Variants in ZNF100 observed in about 807,000 individuals in gnomAD.
ZNF100 encodes the protein zinc finger protein 100.
Under a neutral mutation model 15.8 loss-of-function variants are expected in ZNF100, and 12 were observed. The observed-to-expected ratio is 0.76, with a 90% CI of 0.49 to 1.23. ZNF100 has a LOEUF of 1.23. Among genes scored for constraint, ZNF100 ranks in the 50% most tolerant of loss-of-function variants. ZNF100 has a pLI of 0.00. For missense variants in ZNF100, 670 were observed against 635.6 expected (o/e 1.05, Z -0.58); for synonymous variants, 226 against 214.8 (o/e 1.05, Z -0.45).
chr19:21,748,286 A>C (rs748219218), intron 2 of ZNF100, among the ~76,000 whole-genome samples: 1 of 152,236 alleles, frequency 6.6e-6, no homozygotes, highest in African/African-American at 2.4e-5. Context: ...TGACCTTTAT[A>C]AATCAGTTCT....
intron 1 of ZNF100, among the ~76,000 whole-genome samples, chr19:21,766,754 G>A (rs758271796): frequency 1.3e-5 from 2 of 152,098 alleles, no homozygotes; most frequent in African/African-American, 2.4e-5. Flanking sequence ...AGCACTTTAG[G>A]AGGCCAAGGC....
chr19:21,751,682 C>A, intron 2 of ZNF100: 3 of 1,243,686 alleles, frequency 2.4e-6, no homozygotes, highest in Non-Finnish European at 3.5e-6. Flanking sequence ...GGAGCTTCTT[C>A]AGTTTAATAT....
At chr19:21,741,071 T>C (rs1215226882) in intron 4 of ZNF100, among the ~76,000 whole-genome samples, 1 of 152,176 alleles carries the variant, frequency 6.6e-6, no homozygotes, top group Non-Finnish European at 1.5e-5. Context: ...AAATGGAATA[T>C]TATACAGACT....
chr19:21,751,308 G>A, intron 2 of ZNF100: 1 of 929,698 alleles, frequency 1.1e-6, no homozygotes, highest in Non-Finnish European at 1.8e-6. Flanking sequence ...ATAAAGAACA[G>A]AGATGCAAAC....
chr19:21,752,218 T>G, intron 2 of ZNF100: 1 of 153,962 alleles, frequency 6.5e-6, no homozygotes, highest in South Asian at 2.1e-4. Context: ...GTAACTGAAC[T>G]ATGTTAGGTT....
intron 2 of ZNF100, among the ~76,000 whole-genome samples, chr19:21,756,490 CCA>C (rs36010088): frequency 6.6e-6 from 1 of 150,462 alleles, no homozygotes; most frequent in South Asian, 2.1e-4. Context: ...TTCACAATTG[CCA>C]CACACACACA....
rs529327982 is a variant in ZNF100 at position 21,736,499 on chromosome 19, G to C, written c.322+7518C>G. Among the ~76,000 whole-genome samples, 45 of 152,314 alleles carry C rather than the reference G, an allele frequency of 3.0e-4. 1 individual carries two copies. Among genetic ancestry groups the C allele is most frequent in the African/African-American group, 1.0e-3 (42 of 41,568 alleles). On this transcript the variant is annotated intron_variant, in intron 4 of 4. Coordinates refer to ENST00000358296, the MANE Select transcript of ZNF100 (RefSeq NM_173531.4). ...CAATACTAGACAGATCTCTGAGAGA[G>C]AAAAATAACAAGGATATTCAGGACT...
intron 4 of ZNF100, among the ~76,000 whole-genome samples, chr19:21,739,726 C>G (rs1429266185): frequency 6.6e-6 from 1 of 151,982 alleles, no homozygotes; most frequent in Non-Finnish European, 1.5e-5. Flanking sequence ...TGTAATACTA[C>G]CATTTTGGGA....
intron 2 of ZNF100, among the ~76,000 whole-genome samples, chr19:21,749,760 T>A (rs1024038008): frequency 5.3e-5 from 8 of 152,166 alleles, no homozygotes; most frequent in Admixed American, 3.3e-4. Context: ...CTAAACAAGA[T>A]CTGAAAAGCT....
At chr19:21,739,305 C>T (rs1270039459) in intron 4 of ZNF100, among the ~76,000 whole-genome samples, 2 of 152,150 alleles carry the variant, frequency 1.3e-5, no homozygotes, top group African/African-American at 4.8e-5. Context: ...CGCATAATTT[C>T]AACAATTTGG....
intron 2 of ZNF100, among the ~76,000 whole-genome samples, chr19:21,748,950 C>A (rs2036257096): frequency 6.6e-6 from 1 of 152,204 alleles, no homozygotes; most frequent in Non-Finnish European, 1.5e-5. Flanking sequence ...AGGTGATCCG[C>A]CTGCCTCGGC....
intron 2 of ZNF100, among the ~76,000 whole-genome samples, chr19:21,760,447 A>G (rs2036463787): frequency 6.6e-6 from 1 of 151,934 alleles, no homozygotes; most frequent in South Asian, 2.1e-4. Context: ...GTGAGCCAAG[A>G]TTGCACCACT....
chr19:21,749,396 C>T (rs1277725161), intron 2 of ZNF100, among the ~76,000 whole-genome samples: 2 of 151,650 alleles, frequency 1.3e-5, no homozygotes, highest in Non-Finnish European at 2.9e-5. Context: ...CCTCAAATGT[C>T]TCAAAGACAT....
chr19:21,739,829 T>G (rs573054734), intron 4 of ZNF100, among the ~76,000 whole-genome samples: 2 of 152,042 alleles, frequency 1.3e-5, no homozygotes, highest in Middle Eastern at 3.4e-3. Flanking sequence ...CTCTAATAAA[T>G]AAAATAAAAT....
chr19:21,766,619 GAC>G (rs2036567115), intron 1 of ZNF100, among the ~76,000 whole-genome samples: 1 of 152,110 alleles, frequency 6.6e-6, no homozygotes, highest in African/African-American at 2.4e-5. Context: ...TTTTATAAAT[GAC>G]TTTCCTTCAA....
At chr19:21,760,993 C>T (rs951956248) in intron 2 of ZNF100, among the ~76,000 whole-genome samples, 4 of 151,894 alleles carry the variant, frequency 2.6e-5, no homozygotes, top group South Asian at 2.1e-4. Context: ...CTCCTGACTT[C>T]GTGATCTGCC....
chr19:21,741,296 A>G (rs12971855), intron 4 of ZNF100, among the ~76,000 whole-genome samples: 14,239 of 149,656 alleles, frequency 0.095, 885 homozygotes, highest in South Asian at 0.18. Flanking sequence ...TTTAGTTTTA[A>G]TTTCACAAGA....
chr19:21,760,398 G>C (rs1050807002), intron 2 of ZNF100, among the ~76,000 whole-genome samples: 6 of 151,510 alleles, frequency 4.0e-5, no homozygotes, highest in Admixed American at 2.6e-4. Context: ...GGGAGGCTGA[G>C]GCGGGAGAAT....
At chr19:21,759,314 G>A (rs1195237676) in intron 2 of ZNF100, among the ~76,000 whole-genome samples, 1 of 152,164 alleles carries the variant, frequency 6.6e-6, no homozygotes, top group Non-Finnish European at 1.5e-5. Context: ...AAAAGAAGAG[G>A]TGGGGAAAGA....
Sources: gnomAD v4.1 joint callset for allele counts (sites outside exome capture counted in the v4.1 genomes callset) on GRCh38, gnomAD v4.1.1 for gene constraint, MANE v1.5 for transcripts, NCBI Gene and HGNC (gene_info 2026-07-23, HGNC 2026-07-21) for gene names.